The following SOX5 variants were observed in gnomAD, a reference collection of about 807,000 sequenced individuals.
SOX5 encodes the protein transcription factor SOX-5.
In SOX5, 9 loss-of-function variants were observed where a neutral mutation model predicts 92.0. That is an observed-to-expected ratio of 0.10 (90% CI 0.06 to 0.17). The LOEUF (loss-of-function observed/expected upper bound fraction) is 0.17. Among genes scored for constraint, SOX5 ranks in the 10% least tolerant of loss-of-function variants. The probability of loss-of-function intolerance (pLI) is 1.00; values close to 1 mark genes in which losing one functional copy is unlikely to be tolerated. For missense variants in SOX5, 642 were observed against 944.5 expected (o/e 0.68, Z 4.20); for synonymous variants, 344 against 336.3 (o/e 1.02, Z -0.25).
chr12:23,736,689 CT>C (rs547312649), intron 5 of SOX5, among the ~76,000 whole-genome samples: 22,693 of 132,414 alleles, frequency 0.17, 1,564 homozygotes, highest in Middle Eastern at 0.24. Flanking sequence ...TGTTCTTTCT[CT>C]TTTTTTTTTT....
chr12:24,210,899 A>G (rs1958536311), intron 4 of SOX5, among the ~76,000 whole-genome samples: 1 of 152,180 alleles, frequency 6.6e-6, no homozygotes. Context: ...AATGATGTAC[A>G]CAACTTGTAA....
chr12:24,537,249 TAAAAC>T (rs1173266926), intron 1 of SOX5, among the ~76,000 whole-genome samples: 1 of 152,070 alleles, frequency 6.6e-6, no homozygotes, highest in East Asian at 1.9e-4. Flanking sequence ...CATGGAAAAA[TAAAAC>T]AGCTGATAAG....
In SOX5 at chr12:23,792,421, G is replaced by A. The variant is rs949510270; in HGVS notation, c.482-36697C>T. 3.3e-5 allele frequency among the ~76,000 whole-genome samples: 5 copies of A among 151,514 alleles called. No homozygotes were observed. The East Asian group carries it at 7.8e-4, about 24-fold the overall frequency. ...GGGTGGATCATGAGGTCAGAAGTTC[G>A]AGACCAGCGTGGCCAACATGGTGAA... On this transcript the variant is annotated intron_variant, in intron 3 of 14. Coordinates refer to ENST00000451604, the MANE Select transcript of SOX5 (RefSeq NM_006940.6).
intron 2 of SOX5, among the ~76,000 whole-genome samples, chr12:24,306,449 C>T (rs1185813365): frequency 1.3e-5 from 2 of 152,208 alleles, no homozygotes; most frequent in African/African-American, 4.8e-5. Context: ...AAGCAGAGAG[C>T]GCTCTGGCCA....
chr12:23,564,102 C>A (rs944328160), intron 10 of SOX5, among the ~76,000 whole-genome samples: 20 of 152,138 alleles, frequency 1.3e-4, no homozygotes, highest in African/African-American at 4.6e-4. Flanking sequence ...AATTCACACT[C>A]TTAATAAGAT....
At chr12:23,841,220 A>AT (rs1316037887) in intron 3 of SOX5, among the ~76,000 whole-genome samples, 1 of 152,130 alleles carries the variant, frequency 6.6e-6, no homozygotes, top group Non-Finnish European at 1.5e-5. Flanking sequence ...GATGCTGAAC[A>AT]TTTCTTAAAA....
intron 4 of SOX5, among the ~76,000 whole-genome samples, chr12:23,971,184 G>A (rs368070731): frequency 5.4e-5 from 7 of 130,796 alleles, no homozygotes; most frequent in Admixed American, 1.7e-4. Flanking sequence ...ATGCAGTGGC[G>A]TGATCTCAGC....
At chr12:24,167,874 TGAGA>T (rs1953608597) in intron 4 of SOX5, among the ~76,000 whole-genome samples, 1 of 152,184 alleles carries the variant, frequency 6.6e-6, no homozygotes, top group Non-Finnish European at 1.5e-5. Context: ...AAGGTGGGGC[TGAGA>T]GAGAGAAAGG....
At chr12:23,947,371 G>C (rs7971757) in intron 1 of SOX5, among the ~76,000 whole-genome samples, 13 of 151,608 alleles carry the variant, frequency 8.6e-5, no homozygotes, top group Admixed American at 7.9e-4. Flanking sequence ...CTAATTATAT[G>C]TGATAGTTTA....
chr12:23,922,164 C>T lies in SOX5; in HGVS notation c.39-26140G>A, dbSNP rs549395604. 2.0e-5 allele frequency among the ~76,000 whole-genome samples: 3 copies of T among 152,308 alleles called. No individual in the cohort carries two copies. In the East Asian group the frequency reaches 5.8e-4, roughly 29 times the overall value. ...AAGACCAAAGCAATCTTTGTTTTCA[C>T]TCCTTTCTGGTACACCTCCTTCTGA... On this transcript the variant is annotated intron_variant, in intron 1 of 14. Transcript: ENST00000451604.
intron 11 of SOX5, among the ~76,000 whole-genome samples, chr12:23,560,675 G>A (rs886760178): frequency 9.2e-5 from 14 of 152,130 alleles, no homozygotes; most frequent in African/African-American, 2.2e-4. Flanking sequence ...ACCTACCACC[G>A]TCTCTAATAC....
intron 1 of SOX5, among the ~76,000 whole-genome samples, chr12:24,448,305 GA>G (rs1035533476): frequency 1.2e-4 from 19 of 152,200 alleles, no homozygotes; most frequent in African/African-American, 4.6e-4. Context: ...TTCTTATAAG[GA>G]GTGAGGATTG....
At chr12:24,313,803 C>T (rs970011424) in intron 2 of SOX5, among the ~76,000 whole-genome samples, 1 of 152,156 alleles carries the variant, frequency 6.6e-6, no homozygotes, top group Non-Finnish European at 1.5e-5. Context: ...TTTTAGCCCA[C>T]GCTTCTGTTC....
At chr12:23,975,126 A>G (rs1948760130) in intron 4 of SOX5, among the ~76,000 whole-genome samples, 1 of 152,162 alleles carries the variant, frequency 6.6e-6, no homozygotes, top group African/African-American at 2.4e-5. Context: ...CCTGTTCACT[A>G]GAAATAGTCA....
In SOX5 at chr12:23,665,544, T is replaced by C. The variant is rs2083654243; in HGVS notation, c.831A>G (p.Pro277=). ...QQIQVQGQLP[P]LMIPVFPPDQ... ...CAGGAGGGAATACGGGAATCATTAATGGCGGCAGCTGACCTTGAACCTGCT... is the reference window on the plus strand; with the variant it reads ...CAGGAGGGAATACGGGAATCATTAACGGCGGCAGCTGACCTTGAACCTGCT... The change falls in exon 7 of 15, where the codon CCA becomes CCG. Residue 277 remains proline (P), a synonymous_variant. Coordinates refer to ENST00000451604, the MANE Select transcript of SOX5 (RefSeq NM_006940.6). 3.7e-6 allele frequency: 6 copies of C among 1,613,210 alleles called. No individual in the cohort carries two copies. Among genetic ancestry groups the C allele is most frequent in the African/African-American group, 1.3e-5 (1 of 74,998 alleles).
intron 4 of SOX5, among the ~76,000 whole-genome samples, chr12:23,993,042 T>C (rs1214445625): frequency 1.3e-5 from 2 of 152,196 alleles, no homozygotes; most frequent in East Asian, 3.8e-4. Flanking sequence ...ACTCAGAAGA[T>C]TGAGACAGTT....
At chr12:24,281,922 C>T (rs1371626158) in intron 2 of SOX5, among the ~76,000 whole-genome samples, 1 of 151,974 alleles carries the variant, frequency 6.6e-6, no homozygotes, top group Non-Finnish European at 1.5e-5. Context: ...CACACACATC[C>T]CAAAAAAGAG....
chr12:24,255,353 T>C (rs1940969522), intron 3 of SOX5, among the ~76,000 whole-genome samples: 2 of 152,168 alleles, frequency 1.3e-5, no homozygotes. Context: ...TTATTAGAAA[T>C]ATTGGGTCCA....
chr12:23,727,985 G>T (rs912959129), intron 6 of SOX5, among the ~76,000 whole-genome samples: 2 of 152,082 alleles, frequency 1.3e-5, no homozygotes, highest in Non-Finnish European at 2.9e-5. Flanking sequence ...AGAAGAATGA[G>T]TGGATTTCTA....
Sources: gnomAD v4.1 joint callset for allele counts (sites outside exome capture counted in the v4.1 genomes callset) on GRCh38, gnomAD v4.1.1 for gene constraint, MANE v1.5 for transcripts, NCBI Gene and HGNC (gene_info 2026-07-23, HGNC 2026-07-21) for gene names.